SDK2: variants seen among roughly 807,000 people sequenced by gnomAD.
SDK2 encodes the protein sidekick cell adhesion molecule 2.
Under a neutral mutation model 253.9 loss-of-function variants are expected in SDK2, and 105 were observed. That is an observed-to-expected ratio of 0.41 (90% CI 0.35 to 0.49). SDK2 has a LOEUF of 0.49. Ranked by LOEUF, SDK2 falls within the 20% of genes least tolerant of loss-of-function variation. The pLI is 0.06. For missense variants in SDK2, 2,608 were observed against 3,003.0 expected, an observed-to-expected ratio of 0.87 and a Z score of 3.07; for synonymous variants, 1,249 against 1,234.9, an observed-to-expected ratio of 1.01 and a Z score of -0.24.
rs577650040 is a variant in SDK2, at chr17:73,481,818, C to T, written c.225-9600G>A. 6.6e-6 allele frequency among the ~76,000 whole-genome samples: 1 copy of T among 152,158 alleles called. No individual in the cohort carries two copies. The highest frequency in any genetic ancestry group is 1.5e-5 in the Non-Finnish European group (1 of 68,038). On this transcript the variant is annotated intron_variant, in intron 2 of 44. Coordinates refer to ENST00000392650, the MANE Select transcript of SDK2 (RefSeq NM_001144952.2). The surrounding 1 kb of genome is among the most constrained non-coding windows in gnomAD (Gnocchi z 4.5). ...AGGCCTTTGGGCCCAGACTGAATTA[C>T]GGTACTGGATTTCTTGGGTTTCCAG...
rs1328261476 is a variant in SDK2 at position 73,419,712 on chromosome 17, AAAACAACAAAAAAAACCC to A, written c.2046-424_2046-407del. Among the ~76,000 whole-genome samples, 4 of 73,122 alleles carry A rather than the reference AAAACAACAAAAAAAACCC, an allele frequency of 5.5e-5. No individual in the cohort carries two copies. The East Asian group carries it at 8.4e-4, about 15-fold the overall frequency. The allele number at this position is 73,122 out of a possible 152,430, so 48.0% of individuals were successfully genotyped here. A position where few individuals can be genotyped will look rare whatever the true frequency, so the allele number is the denominator to read the frequency against. On this transcript the variant is annotated intron_variant, in intron 15 of 44. Coordinates refer to ENST00000392650, the MANE Select transcript of SDK2 (RefSeq NM_001144952.2). Reference sequence around the variant, plus strand: ...TGGCAAGACCCTGTCTCTACCAAAAAAAACAACAAAAAAAACCCAAAAAAACTCCCTCCTGGTGACTTG... The same window carrying A: ...TGGCAAGACCCTGTCTCTACCAAAAAAAAAAAACTCCCTCCTGGTGACTTG...
At chr17:73,545,416 C>T (rs1315011784) in intron 1 of SDK2, among the ~76,000 whole-genome samples, 4 of 152,142 alleles carry the variant, frequency 2.6e-5, no homozygotes, top group Admixed American at 2.6e-4. Context: ...AATGAATGCA[C>T]ACACACACGA....
At chr17:73,399,999 A>G (rs2063009272) in intron 21 of SDK2, among the ~76,000 whole-genome samples, 1 of 152,214 alleles carries the variant, frequency 6.6e-6, no homozygotes, top group Non-Finnish European at 1.5e-5. Flanking sequence ...AGCTCCCAGC[A>G]CCATGCCCCG....
At chr17:73,631,973 G>A (rs1403400025) in intron 1 of SDK2, among the ~76,000 whole-genome samples, 1 of 152,124 alleles carries the variant, frequency 6.6e-6, no homozygotes, top group Non-Finnish European at 1.5e-5. Context: ...GAGGTGGGAG[G>A]GTCCAAGACA....
intron 2 of SDK2, among the ~76,000 whole-genome samples, chr17:73,489,585 C>G (rs1329362168): frequency 2.0e-5 from 3 of 152,126 alleles, no homozygotes; most frequent in Non-Finnish European, 4.4e-5. Flanking sequence ...ACCAGATGTT[C>G]CAGGATTACT....
chr17:73,424,169 C>A (rs575669866), intron 12 of SDK2, 77 bp from the exon 13 acceptor site: 11 of 1,260,790 alleles, frequency 8.7e-6, no homozygotes, highest in Non-Finnish European at 1.2e-5. Context: ...AAGCTTGTCC[C>A]GAGAAAATAG....
intron 25 of SDK2, 44 bp from the exon 26 acceptor site, chr17:73,394,368 G>A (rs983468307): frequency 8.1e-6 from 11 of 1,350,020 alleles, no homozygotes; most frequent in Non-Finnish European, 1.0e-5. Context: ...AGGACCCAAC[G>A]TTGACTGTGC....
chr17:73,529,777 G>C (rs150836365), intron 1 of SDK2, among the ~76,000 whole-genome samples: 127 of 152,288 alleles, frequency 8.3e-4, no homozygotes, highest in African/African-American at 2.9e-3. Context: ...GCATGGAACA[G>C]GTCCTCCCTC....
chr17:73,557,960 T>A (rs1359611528), intron 1 of SDK2, among the ~76,000 whole-genome samples: 4 of 152,178 alleles, frequency 2.6e-5, no homozygotes. Flanking sequence ...ATCCTCTCTC[T>A]CAGCCTCTCC....
chr17:73,622,921 C>G (rs1287619134), intron 1 of SDK2, among the ~76,000 whole-genome samples: 2 of 152,204 alleles, frequency 1.3e-5, no homozygotes, highest in Admixed American at 6.5e-5. Flanking sequence ...GTAGCGGGGG[C>G]CCAGCCCTCC....
intron 1 of SDK2, among the ~76,000 whole-genome samples, chr17:73,594,480 A>G (rs2045725708): frequency 6.6e-6 from 1 of 152,112 alleles, no homozygotes; most frequent in Admixed American, 6.6e-5. Flanking sequence ...AGATGGGAAG[A>G]GAGGGAGGGG....
At chr17:73,472,818 G>A (rs2063661846) in intron 2 of SDK2, among the ~76,000 whole-genome samples, 1 of 152,316 alleles carries the variant, frequency 6.6e-6, no homozygotes, top group Middle Eastern at 3.4e-3. Flanking sequence ...ATGTTCTCGT[G>A]ATAGTGAATA....
At chr17:73,410,402 C>T (rs1199852677) in intron 18 of SDK2, among the ~76,000 whole-genome samples, 1 of 152,182 alleles carries the variant, frequency 6.6e-6, no homozygotes, top group East Asian at 1.9e-4. Context: ...CAATGTCCGC[C>T]TCCTGGGTTC....
At chr17:73,451,377 A>C (rs959074060) in intron 4 of SDK2, among the ~76,000 whole-genome samples, 10 of 152,232 alleles carry the variant, frequency 6.6e-5, no homozygotes, top group Non-Finnish European at 1.5e-5. Context: ...GTGGTGGTGC[A>C]TGCCTGTAAT....
In SDK2 at chr17:73,399,276, G is replaced by A. The variant is rs933064005; in HGVS notation, c.2985C>T (p.Pro995=). 6 of 1,613,624 alleles carry A rather than the reference G, an allele frequency of 3.7e-6. No homozygotes were observed. The African/African-American group carries it at 6.7e-5, about 18-fold the overall frequency. The change falls in exon 22 of 45, where the codon CCC becomes CCT. Residue 995 remains proline (P), a synonymous_variant. Transcript: ENST00000392650. The part of the protein sequence containing the change: ...SSGVPPELPG[P]PTNLGISNIG... ...TGTTGGAAATGCCCAGGTTGGTGGGGGGCCCTGGGAGTTCTGGAAAAGGAG... is the reference window on the plus strand; with the variant it reads ...TGTTGGAAATGCCCAGGTTGGTGGGAGGCCCTGGGAGTTCTGGAAAAGGAG...
intron 2 of SDK2, among the ~76,000 whole-genome samples, chr17:73,484,922 G>C (rs1029418748): frequency 6.6e-6 from 1 of 152,122 alleles, no homozygotes; most frequent in East Asian, 1.9e-4. Flanking sequence ...CCAAAGTGCC[G>C]GGATTATAGC....
At chr17:73,378,489 G>A (rs1046950706) in intron 36 of SDK2, among the ~76,000 whole-genome samples, 2 of 151,254 alleles carry the variant, frequency 1.3e-5, no homozygotes, top group Admixed American at 6.6e-5. Context: ...GTACAATCTC[G>A]GCTCACTGCA....
chr17:73,408,302 C>G (rs1425540872), intron 18 of SDK2, among the ~76,000 whole-genome samples: 1 of 151,134 alleles, frequency 6.6e-6, no homozygotes, highest in Non-Finnish European at 1.5e-5. Context: ...ACGGCAACCT[C>G]TGCCTCCCGG....
At position 73,431,846 on chromosome 17, in the gene SDK2, T is replaced by C. The variant is rs2063328743; in HGVS notation, c.1313-177A>G. Among the ~76,000 whole-genome samples the C allele has an allele frequency of 1.3e-5, 2 of 152,222 alleles. No homozygotes were observed. The highest frequency in any genetic ancestry group is 6.5e-5 in the Admixed American group (1 of 15,294). ...GGGGGCTGAGAGACCTGGAGAGCTT[T>C]CTGGCTTAGGGACGGACACGAGGGC... On this transcript the variant is annotated intron_variant, in intron 10 of 44. Coordinates refer to ENST00000392650, the MANE Select transcript of SDK2 (RefSeq NM_001144952.2). The surrounding 1 kb of genome is among the most constrained non-coding windows in gnomAD (Gnocchi z 5.6).
Sources: gnomAD v4.1 joint callset for allele counts (sites outside exome capture counted in the v4.1 genomes callset) on GRCh38, gnomAD v4.1.1 for gene constraint, Gnocchi (gnomAD v3.1) non-coding constraint, MANE v1.5 for transcripts, NCBI Gene and HGNC (gene_info 2026-07-23, HGNC 2026-07-21) for gene names.